Variants in SNTG1 observed in about 807,000 individuals in gnomAD.
SNTG1 encodes syntrophin gamma 1, also known as gamma-1-syntrophin.
A neutral mutation model predicts 74.7 loss-of-function variants in SNTG1; 39 were observed. The observed-to-expected ratio is 0.52, with a 90% CI of 0.40 to 0.68. SNTG1 has a LOEUF of 0.68. Ranked by LOEUF, SNTG1 falls within the 30% of genes least tolerant of loss-of-function variation. The probability of loss-of-function intolerance (pLI) is 0.00; values close to 1 mark genes in which losing one functional copy is unlikely to be tolerated. For synonymous variants in SNTG1, 254 were observed against 217.1 expected (o/e 1.17, Z -1.49); for missense variants, 685 against 609.5 (o/e 1.12, Z -1.30).
intron 18 of SNTG1, among the ~76,000 whole-genome samples, chr8:50,759,240 T>G (rs1213140269): frequency 6.6e-6 from 1 of 152,122 alleles, no homozygotes; most frequent in Non-Finnish European, 1.5e-5. Context: ...TTGCAAAAAT[T>G]TTCCCCCATT....
chr8:50,660,537 AG>A (rs1370116224), intron 15 of SNTG1, among the ~76,000 whole-genome samples: 1 of 123,284 alleles, frequency 8.1e-6, no homozygotes, highest in East Asian at 2.2e-4. Flanking sequence ...GAAGGAAGGA[AG>A]GAAAGAAAAC....
At chr8:50,701,664 T>C (rs796326843) in intron 15 of SNTG1, among the ~76,000 whole-genome samples, 32 of 144,318 alleles carry the variant, frequency 2.2e-4, no homozygotes, top group African/African-American at 8.4e-4. Context: ...CTTCCTCTTC[T>C]TCTTCTTCCT....
chr8:50,643,654 A>G (rs937790947), intron 13 of SNTG1, among the ~76,000 whole-genome samples: 4 of 152,334 alleles, frequency 2.6e-5, no homozygotes, highest in Non-Finnish European at 5.9e-5. Context: ...TTATTTGATT[A>G]AGATTCCTCT....
At chr8:50,513,819 T>C in intron 9 of SNTG1, among the ~76,000 whole-genome samples, 1 of 152,202 alleles carries the variant, frequency 6.6e-6, no homozygotes, top group East Asian at 1.9e-4. Context: ...CTGTCACCCC[T>C]TTCTTTGACT....
chr8:50,712,875 TG>T (rs1326484281), intron 17 of SNTG1, among the ~76,000 whole-genome samples: 1 of 152,208 alleles, frequency 6.6e-6, no homozygotes, highest in African/African-American at 2.4e-5. Flanking sequence ...GGTGTATATG[TG>T]CCACATTTTC....
At chr8:50,742,052 T>A (rs1041859411) in intron 17 of SNTG1, among the ~76,000 whole-genome samples, 1 of 152,010 alleles carries the variant, frequency 6.6e-6, no homozygotes, top group Non-Finnish European at 1.5e-5. Context: ...GTTCGTAGAT[T>A]ATAACAAATG....
At chr8:50,438,627 C>A (rs767633862) in intron 5 of SNTG1, 28 bp downstream of exon 5, 170 of 1,581,126 alleles carry the variant, frequency 1.1e-4, no homozygotes, top group Non-Finnish European at 1.4e-4. Flanking sequence ...TCTATCCTTA[C>A]AAAGGCCATG....
At chr8:50,688,884 C>T (rs1405474029) in intron 15 of SNTG1, among the ~76,000 whole-genome samples, 1 of 151,948 alleles carries the variant, frequency 6.6e-6, no homozygotes, top group African/African-American at 2.4e-5. Flanking sequence ...TCTTCCTACC[C>T]ATGAGCATGG....
At chr8:50,212,679 T>C (rs1200491878) in intron 2 of SNTG1, among the ~76,000 whole-genome samples, 1 of 152,226 alleles carries the variant, frequency 6.6e-6, no homozygotes, top group Non-Finnish European at 1.5e-5. Context: ...ATCTCTAGCA[T>C]GTGGTCTACT....
intron 15 of SNTG1, among the ~76,000 whole-genome samples, chr8:50,689,229 G>C (rs1183044927): frequency 1.3e-5 from 2 of 152,060 alleles, no homozygotes; most frequent in African/African-American, 4.8e-5. Flanking sequence ...TTTCCTAATT[G>C]AATAGCCTTT....
In SNTG1 at chr8:50,502,880, T is replaced by G. The variant is rs1263301052; in HGVS notation, c.466T>G (p.Cys156Gly). Residue 156 changes from cysteine (C) to glycine (G), a missense_variant and splice_region_variant, in exon 9 of 19, where the codon TGT (cysteine) becomes GGT (glycine). By Grantham distance (159) the Cys-to-Gly change is radical. Transcript: ENST00000642720. Reference protein sequence around the residue: ...LKLPLNEDCACAPSDQSSGTS... With the variant: ...LKLPLNEDCAGAPSDQSSGTS... ...ACTCCCATTGAATGAAGATTGTGCA[T>G]GTAAGCATTTATAAAGAATAGATAA... 3 of 1,609,082 alleles carry G rather than the reference T, an allele frequency of 1.9e-6. No homozygotes were observed. Among genetic ancestry groups the G allele is most frequent in the Non-Finnish European group, 2.6e-6 (3 of 1,176,108 alleles).
At chr8:50,352,902 T>C (rs943640440) in intron 2 of SNTG1, among the ~76,000 whole-genome samples, 61 of 152,174 alleles carry the variant, frequency 4.0e-4, no homozygotes, top group African/African-American at 1.4e-3. Context: ...ATCCCATTAC[T>C]GGGTATATAC....
rs185702638 is a variant in SNTG1 at position 50,393,839 on chromosome 8, C to T, written c.-27-373C>T. On this transcript the variant is annotated intron_variant, in intron 2 of 18. Transcript: ENST00000642720. The stretch of plus-strand genomic sequence containing the variant: ...CCATATGAAAGGCAACTTTTAATTG[C>T]TCTTTTTGAAGTTTCTTTCTCAATT... Among the ~76,000 whole-genome samples, 277 of 152,220 alleles carry T rather than the reference C, an allele frequency of 1.8e-3. 1 individual carries two copies. Among genetic ancestry groups the T allele is most frequent in the South Asian group, 8.5e-3 (41 of 4,818 alleles).
At chr8:50,191,480 C>T (rs760437430) in intron 2 of SNTG1, among the ~76,000 whole-genome samples, 14 of 152,058 alleles carry the variant, frequency 9.2e-5, no homozygotes, top group Admixed American at 2.0e-4. Flanking sequence ...AATCATTTGC[C>T]TCACTATCTT....
intron 1 of SNTG1, among the ~76,000 whole-genome samples, chr8:50,091,263 G>A (rs987911030): frequency 5.9e-5 from 9 of 151,808 alleles, no homozygotes; most frequent in African/African-American, 1.9e-4. Context: ...TAACGGTCTC[G>A]AATTTCTCTT....
chr8:50,581,982 C>T (rs1483130779), intron 12 of SNTG1, among the ~76,000 whole-genome samples: 2 of 152,080 alleles, frequency 1.3e-5, no homozygotes, highest in African/African-American at 4.8e-5. Context: ...TTTAGAGAGT[C>T]CTTGGAAACA....
At chr8:50,707,757 A>G in intron 16 of SNTG1, 1 of 275,122 alleles carries the variant, frequency 3.6e-6, no homozygotes, top group Non-Finnish European at 6.7e-6. Context: ...AATATTTTTC[A>G]TGATTGGAAT....
chr8:49,996,675 C>T (rs755539804), intron 1 of SNTG1, among the ~76,000 whole-genome samples: 6 of 152,218 alleles, frequency 3.9e-5, no homozygotes, highest in Admixed American at 6.5e-5. Context: ...TGGCAATTAT[C>T]TAGATAGATA....
intron 2 of SNTG1, among the ~76,000 whole-genome samples, chr8:50,306,889 A>G (rs1030248785): frequency 6.6e-6 from 1 of 151,920 alleles, no homozygotes; most frequent in Non-Finnish European, 1.5e-5. Context: ...TTCTAATGTA[A>G]TGAAATCACA....
Sources: gnomAD v4.1 joint callset for allele counts (sites outside exome capture counted in the v4.1 genomes callset) on GRCh38, gnomAD v4.1.1 for gene constraint, MANE v1.5 for transcripts, NCBI Gene and HGNC (gene_info 2026-07-23, HGNC 2026-07-21) for gene names.